Variants in TNNT1 observed in about 807,000 individuals in gnomAD.
TNNT1 encodes the protein troponin T, slow skeletal muscle.
Under a neutral mutation model 50.6 loss-of-function variants are expected in TNNT1, and 53 were observed. That is an observed-to-expected ratio of 1.05 (90% CI 0.84 to 1.32). The LOEUF is 1.32. Among genes scored for constraint, TNNT1 ranks in the 40% most tolerant of loss-of-function variants. The pLI, the probability that TNNT1 is intolerant of heterozygous loss-of-function variation, is 0.00. For synonymous variants in TNNT1, 142 were observed against 138.0 expected, an observed-to-expected ratio of 1.03 and a Z score of -0.20; for missense variants, 348 against 381.7, an observed-to-expected ratio of 0.91 and a Z score of 0.74.
chr19:55,142,453 AT>A (rs2085476602), intron 6 of TNNT1, among the ~76,000 whole-genome samples: 1 of 152,034 alleles, frequency 6.6e-6, no homozygotes, highest in Non-Finnish European at 1.5e-5. Context: ...ACATGTTGAA[AT>A]GATAAAACAT....
chr19:55,137,055 CT>C (rs761491257), intron 11 of TNNT1, 47 bp downstream of exon 11: 4 of 1,232,456 alleles, frequency 3.2e-6, no homozygotes, highest in Non-Finnish European at 4.7e-6. Flanking sequence ...CTTTATCCCC[CT>C]GTCTCACACC....
chr19:55,144,576 G>C (rs117197926), intron 6 of TNNT1, among the ~76,000 whole-genome samples: 1 of 152,108 alleles, frequency 6.6e-6, no homozygotes, highest in African/African-American at 2.4e-5. Flanking sequence ...GAGATGTGGG[G>C]GATCTCATTT....
At position 55,146,419 on chromosome 19, in the gene TNNT1, A is replaced by C; in HGVS notation, c.106+15T>G. On this transcript the variant is annotated intron_variant, in intron 5 of 13. Coordinates refer to ENST00000588981, the MANE Select transcript of TNNT1 (RefSeq NM_003283.6). The stretch of plus-strand genomic sequence containing the variant: ...CCCCGACATCGGTCTCGGGAAGCGA[A>C]GCAGCCGCGGTTACCTGGCTCTGCC... The C allele has an allele frequency of 7.4e-7, 1 of 1,358,558 alleles. No homozygotes were observed. 84.2% of individuals were successfully genotyped at this position (1,358,558 alleles called of 1,614,324 possible).
At position 55,145,662 on chromosome 19, in the gene TNNT1, G is replaced by A. The variant is rs2085536099; in HGVS notation, c.107-97C>T. The A allele has an allele frequency of 3.3e-5, 46 of 1,402,904 alleles. No homozygotes were observed. The South Asian group carries it at 3.8e-4, about 12-fold the overall frequency. The allele number at this position is 1,402,904 out of a possible 1,614,324, so 86.9% of individuals were successfully genotyped here. A position where few individuals can be genotyped will look rare whatever the true frequency, so the allele number is the denominator to read the frequency against. On this transcript the variant is annotated intron_variant, in intron 5 of 13. Transcript: ENST00000588981. ...CTGGGGAGGGACCCCCCAAGCCTCG[G>A]CCCCCAGGACCCCAGGGAAGGACTC...
Position 55,141,371 on chromosome 19 carries a change from C to A in TNNT1, c.193-69G>T, listed in dbSNP as rs903895947. 20 of 1,155,962 alleles carry A rather than the reference C, an allele frequency of 1.7e-5. No homozygotes were observed. The Admixed American group carries it at 3.2e-4, about 18-fold the overall frequency. 71.6% of individuals were successfully genotyped at this position (1,155,962 alleles called of 1,614,324 possible). Reference sequence around the variant, plus strand: ...GGCAGCAGCCTCCCAGCACCTCCCCCATGCAGGATGGTGAACTGAACCGTT... The same window carrying A: ...GGCAGCAGCCTCCCAGCACCTCCCCAATGCAGGATGGTGAACTGAACCGTT... On this transcript the variant is annotated intron_variant, in intron 7 of 13. Coordinates refer to ENST00000588981, the MANE Select transcript of TNNT1 (RefSeq NM_003283.6).
chr19:55,140,061 T>G (rs932431609), intron 9 of TNNT1, among the ~76,000 whole-genome samples: 2 of 151,178 alleles, frequency 1.3e-5, no homozygotes, highest in African/African-American at 4.9e-5. Context: ...AGGCGGAGGT[T>G]GCAGTGAGCT....
intron 7 of TNNT1, 57 bp downstream of exon 7, chr19:55,141,800 A>G: frequency 6.3e-7 from 1 of 1,595,892 alleles, no homozygotes; most frequent in Non-Finnish European, 8.6e-7. Flanking sequence ...CATGATTGAC[A>G]CAAAGGCCCC....
In TNNT1 at chr19:55,137,119, C is replaced by T; in HGVS notation, c.595G>A (p.Gly199Arg). The T allele has an allele frequency of 6.2e-7, 1 of 1,611,986 alleles. No homozygotes were observed. The highest frequency in any genetic ancestry group is 8.5e-7 in the Non-Finnish European group (1 of 1,178,704). ...AGCACCTACCGGAGCTGTTCCTCCCCCATGTAGTCAATGTCCAGAGGCTTC... is the reference window on the plus strand; with the variant it reads ...AGCACCTACCGGAGCTGTTCCTCCCTCATGTAGTCAATGTCCAGAGGCTTC... ...RKKPLDIDYM[G>R]EEQLRARSAW... is the part of the protein sequence containing the mutation. Residue 199 changes from glycine to arginine, a missense_variant, in exon 11 of 14, where the codon GGG (glycine) becomes AGG (arginine). This residue lies in a region of TNNT1 where 253 missense variants were observed against 291.8 expected (regional missense o/e 0.87). Transcript: ENST00000588981.
intron 6 of TNNT1, among the ~76,000 whole-genome samples, chr19:55,145,177 T>G (rs2085525546): frequency 6.8e-6 from 1 of 148,082 alleles, no homozygotes; most frequent in African/African-American, 2.5e-5. Context: ...CACATGCCTG[T>G]GGTCCCAGCT....
chr19:55,134,155 C>A lies in TNNT1; in HGVS notation c.661G>T (p.Glu221Ter), dbSNP rs750310087. Reference sequence around the variant, plus strand: ...CAGTCCGACAGCTCCTGGGCTTTCTCCCTGGCAGGGCAGGAGGGCTGTGAT... The same window carrying A: ...CAGTCCGACAGCTCCTGGGCTTTCTACCTGGCAGGGCAGGAGGGCTGTGAT... Reference protein sequence around the residue: ...PPSQPSCPAREKAQELSDWIH... With the variant: ...PPSQPSCPAR Residue 221 changes from glutamate to a stop codon, truncating the protein, a stop_gained, in exon 12 of 14, where the codon GAG becomes TAG. Coordinates refer to ENST00000588981, the MANE Select transcript of TNNT1 (RefSeq NM_003283.6). LOFTEE classifies it high-confidence loss of function. 1.2e-6 allele frequency: 2 copies of A among 1,603,076 alleles called. No individual in the cohort carries two copies. The highest frequency in any genetic ancestry group is 1.7e-6 in the Non-Finnish European group (2 of 1,175,366).
intron 6 of TNNT1, among the ~76,000 whole-genome samples, chr19:55,144,072 C>CCTT (rs1415495612): frequency 1.4e-3 from 168 of 123,932 alleles, no homozygotes; most frequent in Middle Eastern, 3.9e-3. Flanking sequence ...ACCCCACCCC[C>CCTT]TTTTTTTTTT....
At position 55,147,493 on chromosome 19, in the gene TNNT1, G is replaced by A. The variant is rs185469993; in HGVS notation, c.-11-325C>T. The A allele has an allele frequency of 3.3e-3, 1,714 of 512,214 alleles. 43 individuals are homozygous for A. Among genetic ancestry groups the A allele is most frequent in the Non-Finnish European group, 5.0e-3 (1,421 of 286,612 alleles). 31.7% of individuals were successfully genotyped at this position (512,214 alleles called of 1,614,324 possible). On this transcript the variant is annotated intron_variant, in intron 1 of 13. Transcript: ENST00000588981. ...TCTGAGGAAGGAGGGGCTGGGGCCT[G>A]GACTTCTGGGTCTGAGGGAGGAGGG...
At chr19:55,146,838 C>T (rs1023867794) in intron 3 of TNNT1, 131 bp from the exon 4 acceptor site, 3 of 1,184,894 alleles carry the variant, frequency 2.5e-6, no homozygotes, top group Middle Eastern at 2.6e-4. Context: ...GCACGTTCCC[C>T]CTGGCGGTGC....
At chr19:55,139,319 G>A (rs2742060) in intron 9 of TNNT1, among the ~76,000 whole-genome samples, 60,121 of 152,058 alleles carry the variant, frequency 0.4, 13,606 homozygotes, top group African/African-American at 0.6. Flanking sequence ...TATCACTGCT[G>A]TAATTTGCAA....
intron 11 of TNNT1, among the ~76,000 whole-genome samples, chr19:55,135,733 G>A (rs1260615654): frequency 6.6e-6 from 1 of 151,972 alleles, no homozygotes; most frequent in East Asian, 1.9e-4. Flanking sequence ...CATCATATTG[G>A]TCAGGCTGGT....
At chr19:55,145,707 AG>A (rs928172657) in intron 5 of TNNT1, 142 bp from the exon 6 acceptor site, 19 of 793,476 alleles carry the variant, frequency 2.4e-5, no homozygotes, top group African/African-American at 1.7e-5. Flanking sequence ...GTTCTGGAGG[AG>A]GGGGGATGGG....
chr19:55,141,212 C>T lies in TNNT1; in HGVS notation c.283G>A (p.Glu95Lys), dbSNP rs1387252012. 1 of 1,614,244 alleles carries T rather than the reference C, an allele frequency of 6.2e-7. No homozygotes were observed. The highest frequency in any genetic ancestry group is 8.5e-7 in the Non-Finnish European group (1 of 1,180,044). The change falls in exon 8 of 14, where the codon GAG (glutamate) becomes AAG (lysine). Residue 95 changes from glutamate to lysine, a missense_variant. Around this residue, in one of 3 missense-constraint regions of TNNT1, gnomAD observed 253 missense variants for 291.8 expected, o/e 0.87. Transcript: ENST00000588981. Reference sequence around the variant, plus strand: ...ATGCGCTCCTTCAAGGCAACCAGCTCCTCTTCCTCCTTCTTCCGCTGCTCG... The same window carrying T: ...ATGCGCTCCTTCAAGGCAACCAGCTTCTCTTCCTCCTTCTTCCGCTGCTCG... ...HFEQRKKEEE[E>K]LVALKERIER... is the part of the protein sequence containing the mutation.
chr19:55,148,763 C>T (rs1026460563), intron 1 of TNNT1, among the ~76,000 whole-genome samples: 7 of 152,074 alleles, frequency 4.6e-5, no homozygotes, highest in Middle Eastern at 3.4e-3. Flanking sequence ...TACCAAAACC[C>T]CAATTTCTTC....
At position 55,137,190 on chromosome 19, in the gene TNNT1, C is replaced by T. The variant is rs376309451; in HGVS notation, c.524G>A (p.Arg175Gln). Residue 175 changes from arginine to glutamine, a missense_variant, in exon 11 of 14, where the codon CGG becomes CAG. Physicochemically the swap from Arg to Gln is conservative, Grantham distance 43 (BLOSUM62 1). Coordinates refer to ENST00000588981, the MANE Select transcript of TNNT1 (RefSeq NM_003283.6). The part of the protein sequence containing the change: ...LVKAEQKRGK[R>Q]QTGREMKVRI... ...CACCTTCATCTCCCGCCCCGTCTGC[C>T]GCTTACCACGCTTCTGTTCTGCCTG... 5 of 1,613,462 alleles carry T rather than the reference C, an allele frequency of 3.1e-6. No homozygotes were observed. Among genetic ancestry groups the T allele is most frequent in the Admixed American group, 1.7e-5 (1 of 59,962 alleles).
Sources: gnomAD v4.1 joint callset for allele counts (sites outside exome capture counted in the v4.1 genomes callset) on GRCh38, gnomAD v4.1.1 for gene constraint, gnomAD v4.1.1 regional missense constraint, MANE v1.5 for transcripts, NCBI Gene and HGNC (gene_info 2026-07-23, HGNC 2026-07-21) for gene names.